The following PRMT2 variants were observed in gnomAD, a reference collection of about 807,000 sequenced individuals.
PRMT2 encodes protein arginine methyltransferase 2.
Under a neutral mutation model 57.6 loss-of-function variants are expected in PRMT2, and 26 were observed. The ratio of observed to expected loss-of-function variants is 0.45; its 90% CI spans 0.33 to 0.63. The LOEUF (loss-of-function observed/expected upper bound fraction) is 0.63, where lower values mean the gene tolerates loss of function less well. Among genes scored for constraint, PRMT2 ranks in the 20% least tolerant of loss-of-function variants. PRMT2 has a pLI of 0.02. For synonymous variants in PRMT2, 219 were observed against 220.0 expected (o/e 1.00, Z 0.04); for missense variants, 472 against 564.4 (o/e 0.84, Z 1.66).
chr21:46,661,648 G>A, intron 9 of PRMT2, 152 bp from the exon 10 acceptor site: 1 of 687,296 alleles, frequency 1.5e-6, no homozygotes, highest in Non-Finnish European at 2.0e-6. Flanking sequence ...TCACGATGCG[G>A]GTTTTGGGGG....
chr21:46,660,053 G>A, intron 8 of PRMT2: 12 of 982,576 alleles, frequency 1.2e-5, no homozygotes, highest in Non-Finnish European at 1.5e-5. Flanking sequence ...CTTGTCCATA[G>A]TTTCCAATTT....
chr21:46,664,533 C>G lies in PRMT2; in HGVS notation c.*206C>G, dbSNP rs567452327. On this transcript the variant is annotated 3_prime_UTR_variant, in exon 12 of 12. Transcript: ENST00000355680. ...TCGGCAGGAGCTGCCGTGGCCACCCCCGCTGCCCAGTGTCTGCCCTCTAGA... is the reference window on the plus strand; with the variant it reads ...TCGGCAGGAGCTGCCGTGGCCACCCGCGCTGCCCAGTGTCTGCCCTCTAGA... 511 of 643,886 alleles carry G rather than the reference C, an allele frequency of 7.9e-4. 9 individuals are homozygous for G. In the South Asian group the frequency reaches 8.7e-3, roughly 11 times the overall value. The allele number at this position is 643,886 out of a possible 1,614,324, so 39.9% of individuals were successfully genotyped here.
chr21:46,663,094 G>T (rs564450234), intron 10 of PRMT2, among the ~76,000 whole-genome samples: 1 of 152,330 alleles, frequency 6.6e-6, no homozygotes, highest in East Asian at 1.9e-4. Flanking sequence ...AATCTGAGTG[G>T]TCTCAGGAGC....
chr21:46,661,094 C>G lies in PRMT2; in HGVS notation c.960+132C>G, dbSNP rs184454659. On this transcript the variant is annotated intron_variant, in intron 9 of 11. Coordinates refer to ENST00000355680, the MANE Select transcript of PRMT2 (RefSeq NM_206962.4). ...GTGAATAACTAATTATTTTATTATG[C>G]AAATAAGTGAATTTATAAAACGTTT... The G allele has an allele frequency of 3.3e-6, 3 of 897,950 alleles. No individual in the cohort carries two copies. The African/African-American group carries it at 5.2e-5, about 16-fold the overall frequency. 55.6% of individuals were successfully genotyped at this position (897,950 alleles called of 1,614,324 possible).
At chr21:46,659,949 C>T (rs993261487) in intron 8 of PRMT2, 12 of 984,664 alleles carry the variant, frequency 1.2e-5, no homozygotes, top group Middle Eastern at 5.2e-4. Context: ...TGTTTGCTTG[C>T]ATAAATAAAT....
At chr21:46,661,967 G>C (rs756716211) in intron 10 of PRMT2, 31 bp downstream of exon 10, 7 of 1,121,184 alleles carry the variant, frequency 6.2e-6, no homozygotes, top group African/African-American at 1.8e-5. Flanking sequence ...CACGGGGTGC[G>C]GGGTGGGGGG....
At position 46,646,875 on chromosome 21, in the gene PRMT2, G is replaced by A. The variant is rs545362021; in HGVS notation, c.328-1583G>A. On this transcript the variant is annotated intron_variant, in intron 5 of 11. Transcript: ENST00000355680. ...TATGAAGAACAAAGCTTTGTTTCTC[G>A]CAGTTCTGGAGGCTGGGAAGGCATT... is the stretch of plus-strand genomic sequence containing the variant. Among the ~76,000 whole-genome samples, 14 of 152,280 alleles carry A rather than the reference G, an allele frequency of 9.2e-5. No individual in the cohort carries two copies. In the East Asian group the frequency reaches 2.1e-3, roughly 23 times the overall value.
In PRMT2 at chr21:46,658,755, T is replaced by C; in HGVS notation, c.665T>C (p.Met222Thr). The change falls in exon 8 of 12, where the codon ATG becomes ACG. Residue 222 changes from methionine (M) to threonine (T), a missense_variant. By Grantham distance (81) the Met-to-Thr change is moderately conservative. This residue lies in a region of PRMT2 where 243 missense variants were observed against 347.2 expected (regional missense o/e 0.70). Transcript: ENST00000355680. Reference protein sequence around the residue: ...WMGTCLLFEFMIESILYARDA... With the variant: ...WMGTCLLFEFTIESILYARDA... The stretch of plus-strand genomic sequence containing the variant: ...TTCACTCCTATGCAGTTTGAGTTCA[T>C]GATCGAGTCCATCCTGTATGCCCGG... 1.2e-6 allele frequency: 2 copies of C among 1,614,162 alleles called. No individual in the cohort carries two copies. The highest frequency in any genetic ancestry group is 1.7e-6 in the Non-Finnish European group (2 of 1,179,992).
chr21:46,641,984 A>G (rs1342711572), intron 3 of PRMT2, among the ~76,000 whole-genome samples: 1 of 152,160 alleles, frequency 6.6e-6, no homozygotes, highest in African/African-American at 2.4e-5. Context: ...AAAACGCCTA[A>G]CCACACAAAG....
Position 46,663,495 on chromosome 21 carries a change from C to G in PRMT2, c.1210C>G (p.His404Asp), listed in dbSNP as rs1257232695. Reference protein sequence around the residue: ...VLQRNPVWRRHMSVALSWAVT... With the variant: ...VLQRNPVWRRDMSVALSWAVT... The stretch of plus-strand genomic sequence containing the variant: ...GCAGAGAAACCCAGTGTGGAGAAGG[C>G]ACATGTCTGTGGCTCTGAGCTGGGC... Residue 404 changes from histidine (H) to aspartate (D), a missense_variant, in exon 11 of 12, where the codon CAC becomes GAC. Coordinates refer to ENST00000355680, the MANE Select transcript of PRMT2 (RefSeq NM_206962.4). 6.2e-7 allele frequency: 1 copy of G among 1,614,076 alleles called. No homozygotes were observed. Among genetic ancestry groups the G allele is most frequent in the Non-Finnish European group, 8.5e-7 (1 of 1,180,022 alleles).
intron 7 of PRMT2, chr21:46,657,526 A>G (rs1280920378): frequency 6.6e-6 from 1 of 152,270 alleles, no homozygotes; most frequent in Non-Finnish European, 1.5e-5. Context: ...GGAACCCCAG[A>G]AACGGTACAG....
At chr21:46,643,486 A>T in intron 3 of PRMT2, 49 bp from the exon 4 acceptor site, 1 of 1,411,752 alleles carries the variant, frequency 7.1e-7, no homozygotes, top group Non-Finnish European at 9.3e-7. Context: ...AAAAAAAAAA[A>T]AAAAAAGCTC....
chr21:46,659,833 GTC>G (rs1179803092), intron 8 of PRMT2: 1 of 985,300 alleles, frequency 1.0e-6, no homozygotes, highest in African/African-American at 1.7e-5. Flanking sequence ...ACTGCTGTGT[GTC>G]TGTTAAAAAA....
chr21:46,662,177 C>T (rs2061638939), intron 10 of PRMT2, among the ~76,000 whole-genome samples: 1 of 152,146 alleles, frequency 6.6e-6, no homozygotes, highest in Non-Finnish European at 1.5e-5. Context: ...CCTGGGCGTC[C>T]CTCCGACAAC....
intron 7 of PRMT2, chr21:46,653,096 C>G (rs1396474082): frequency 6.8e-6 from 7 of 1,033,314 alleles, no homozygotes; most frequent in African/African-American, 1.7e-5. Context: ...ATATTATATT[C>G]CGTTATTCTC....
chr21:46,640,797 A>G (rs1352071296), intron 3 of PRMT2, among the ~76,000 whole-genome samples: 1 of 150,916 alleles, frequency 6.6e-6, no homozygotes, highest in Non-Finnish European at 1.5e-5. Flanking sequence ...TGGGGTCTCC[A>G]TGTAAACATA....
At chr21:46,653,417 C>T (rs1439171099) in intron 7 of PRMT2, 2 of 990,912 alleles carry the variant, frequency 2.0e-6, no homozygotes, top group African/African-American at 1.8e-5. Flanking sequence ...GATGATGGGA[C>T]AGCTCCCCCT....
rs1441877363 is a variant in PRMT2, at chr21:46,664,415, T to C, written c.*88T>C. 4 of 1,529,610 alleles carry C rather than the reference T, an allele frequency of 2.6e-6. No homozygotes were observed. The South Asian group carries it at 3.4e-5, about 13-fold the overall frequency. 94.8% of individuals were successfully genotyped at this position (1,529,610 alleles called of 1,614,324 possible). A position where few individuals can be genotyped will look rare whatever the true frequency, so the allele number is the denominator to read the frequency against. ...CAAGTTGCACCTGGCTTCTGCACAC[T>C]CCTGCGAAAGTCGGTGAACATTCAC... On this transcript the variant is annotated 3_prime_UTR_variant, in exon 12 of 12. Transcript: ENST00000355680.
rs567628590 is a variant in PRMT2, at chr21:46,641,500, C to T, written c.40-2035C>T. Among the ~76,000 whole-genome samples the T allele has an allele frequency of 3.9e-5, 6 of 152,216 alleles. No individual in the cohort carries two copies. The South Asian group carries it at 1.2e-3, about 32-fold the overall frequency. On this transcript the variant is annotated intron_variant, in intron 3 of 11. Coordinates refer to ENST00000355680, the MANE Select transcript of PRMT2 (RefSeq NM_206962.4). ...GTGGGGAGTTCGAGACCAGCCTGGCCAACATGATGAAACCCCATCCATTTC... is the reference window on the plus strand; with the variant it reads ...GTGGGGAGTTCGAGACCAGCCTGGCTAACATGATGAAACCCCATCCATTTC...
Sources: gnomAD v4.1 joint callset for allele counts (sites outside exome capture counted in the v4.1 genomes callset) on GRCh38, gnomAD v4.1.1 for gene constraint, gnomAD v4.1.1 regional missense constraint, MANE v1.5 for transcripts, NCBI Gene and HGNC (gene_info 2026-07-23, HGNC 2026-07-21) for gene names.